Variants in RAD51B observed in about 807,000 individuals in gnomAD.
RAD51B encodes the protein RAD51 paralog B.
Under a neutral mutation model 42.2 loss-of-function variants are expected in RAD51B, and 38 were observed. The observed-to-expected ratio is 0.90, with a 90% CI of 0.70 to 1.18. The LOEUF (loss-of-function observed/expected upper bound fraction) is 1.18, where lower values mean the gene tolerates loss of function less well. Among genes scored for constraint, RAD51B ranks in the 50% most tolerant of loss-of-function variants. The pLI is 0.00. For missense variants in RAD51B, 373 were observed against 400.7 expected (o/e 0.93, Z 0.59); for synonymous variants, 154 against 145.2 (o/e 1.06, Z -0.43).
chr14:68,274,698 C>G (rs893050945), intron 7 of RAD51B, among the ~76,000 whole-genome samples: 1 of 152,104 alleles, frequency 6.6e-6, no homozygotes, highest in African/African-American at 2.4e-5. Context: ...GAAATAATTA[C>G]TTCCTTACTC....
chr14:68,499,830 G>A (rs984026084), intron 10 of RAD51B, among the ~76,000 whole-genome samples: 7 of 152,198 alleles, frequency 4.6e-5, no homozygotes, highest in Non-Finnish European at 8.8e-5. Context: ...GAGGGAGCCT[G>A]GCCCTGCAGA....
At chr14:68,175,722 C>T (rs1436021955) in intron 7 of RAD51B, among the ~76,000 whole-genome samples, 1 of 152,098 alleles carries the variant, frequency 6.6e-6, no homozygotes, top group Non-Finnish European at 1.5e-5. Flanking sequence ...TACATGAGAT[C>T]ACCATCTCCT....
intron 10 of RAD51B, among the ~76,000 whole-genome samples, chr14:68,556,658 C>T (rs1159181027): frequency 3.3e-5 from 5 of 152,224 alleles, no homozygotes; most frequent in Admixed American, 1.3e-4. Context: ...GAAACCCCTG[C>T]ATGGCCTCTC....
chr14:67,863,458 C>T (rs1330456989), intron 4 of RAD51B, among the ~76,000 whole-genome samples: 1 of 152,144 alleles, frequency 6.6e-6, no homozygotes, highest in Non-Finnish European at 1.5e-5. Flanking sequence ...CCAGGTGATT[C>T]TGATGCTCAC....
intron 7 of RAD51B, among the ~76,000 whole-genome samples, chr14:68,158,557 A>G (rs17105073): frequency 0.025 from 3,840 of 152,304 alleles, 129 homozygotes; most frequent in African/African-American, 0.074. Context: ...ATACTTTAAC[A>G]CCTAAATGTT....
chr14:68,611,289 A>G, exon 11 of RAD51B: 1 of 700,488 alleles, frequency 1.4e-6, no homozygotes, highest in East Asian at 2.7e-5. Context: ...TCTACATTTA[A>G]CATCCGACAG....
At chr14:68,401,836 T>TTA (rs2084112900) in intron 8 of RAD51B, among the ~76,000 whole-genome samples, 1 of 152,208 alleles carries the variant, frequency 6.6e-6, no homozygotes, top group African/African-American at 2.4e-5. Context: ...GCTCAGAAGA[T>TTA]TATAAATAAC....
chr14:67,948,932 A>C (rs1357884326), intron 7 of RAD51B, among the ~76,000 whole-genome samples: 2 of 84,656 alleles, frequency 2.4e-5, no homozygotes, highest in African/African-American at 1.3e-4. Flanking sequence ...ACTCTGTCTC[A>C]AAAAAAAAAA....
At position 68,210,352 on chromosome 14, in the gene RAD51B, C is replaced by A. The variant is rs568506713; in HGVS notation, c.757-81532C>A. Among the ~76,000 whole-genome samples, 6 of 152,284 alleles carry A rather than the reference C, an allele frequency of 3.9e-5. No individual in the cohort carries two copies. The South Asian group carries it at 1.2e-3, about 32-fold the overall frequency. ...GGATGACAATTTTTATACACCATGC[C>A]TGAAGCAAATAAAGGTGATCAGTAT... On this transcript the variant is annotated intron_variant, in intron 7 of 10. Coordinates refer to ENST00000471583, the MANE Select transcript of RAD51B (RefSeq NM_133510.4).
chr14:68,332,259 T>C (rs1411024532), intron 8 of RAD51B, among the ~76,000 whole-genome samples: 1 of 152,186 alleles, frequency 6.6e-6, no homozygotes, highest in Non-Finnish European at 1.5e-5. Context: ...CAGCTGGCTC[T>C]TTCAGTCTTG....
At chr14:68,349,307 C>G (rs542513081) in intron 8 of RAD51B, among the ~76,000 whole-genome samples, 2 of 152,024 alleles carry the variant, frequency 1.3e-5, no homozygotes, top group Non-Finnish European at 2.9e-5. Context: ...AAGGAACAAA[C>G]TAGAATGTTC....
chr14:68,550,107 C>T (rs1888456892), intron 10 of RAD51B, among the ~76,000 whole-genome samples: 1 of 152,234 alleles, frequency 6.6e-6, no homozygotes, highest in Admixed American at 6.5e-5. Context: ...CCCTTTCACT[C>T]ACTGGAGTGC....
chr14:68,669,765 C>T (rs1326349480), intron 11 of RAD51B, among the ~76,000 whole-genome samples: 1 of 152,130 alleles, frequency 6.6e-6, no homozygotes, highest in Non-Finnish European at 1.5e-5. Flanking sequence ...TTCACATGGC[C>T]CCTGGCCTTC....
At chr14:68,537,372 G>C (rs71423316) in intron 10 of RAD51B, among the ~76,000 whole-genome samples, 2 of 151,140 alleles carry the variant, frequency 1.3e-5, no homozygotes, top group East Asian at 3.9e-4. Flanking sequence ...GGTGGCGGGC[G>C]CCTGTAGTCC....
intron 7 of RAD51B, among the ~76,000 whole-genome samples, chr14:68,176,691 G>A (rs1377513928): frequency 1.3e-5 from 2 of 152,148 alleles, no homozygotes; most frequent in African/African-American, 4.8e-5. Flanking sequence ...AGACTTCTGA[G>A]CAGGTCATTT....
At chr14:67,842,493 T>C (rs1050354691) in intron 4 of RAD51B, among the ~76,000 whole-genome samples, 2 of 152,136 alleles carry the variant, frequency 1.3e-5, no homozygotes, top group African/African-American at 4.8e-5. Flanking sequence ...CCTCAGCCTT[T>C]CAAGTAGCTG....
At chr14:68,469,342 A>C (rs541381911) in intron 10 of RAD51B, among the ~76,000 whole-genome samples, 2 of 152,358 alleles carry the variant, frequency 1.3e-5, no homozygotes, top group African/African-American at 4.8e-5. Context: ...AACAGGCTGC[A>C]GCCTTCCCTT....
At chr14:68,156,567 A>C (rs1402834701) in intron 7 of RAD51B, among the ~76,000 whole-genome samples, 1 of 150,600 alleles carries the variant, frequency 6.6e-6, no homozygotes, top group Non-Finnish European at 1.5e-5. Context: ...CTGTGCATGC[A>C]GTATGCCCAG....
chr14:68,359,340 T>C lies in RAD51B; in HGVS notation c.854-52084T>C, dbSNP rs566031492. Among the ~76,000 whole-genome samples the C allele has an allele frequency of 1.8e-4, 27 of 152,000 alleles. No homozygotes were observed. The South Asian group carries it at 3.3e-3, about 19-fold the overall frequency. ...AGCTCATAAAGTCTCCCTTTCTGGG[T>C]GATTGGATTCCTTTAGCTCAGGGGC... On this transcript the variant is annotated intron_variant, in intron 8 of 10. Coordinates refer to ENST00000471583, the MANE Select transcript of RAD51B (RefSeq NM_133510.4).
Sources: allele counts gnomAD v4.1 joint callset (sites outside exome capture counted in the v4.1 genomes callset), GRCh38; gene constraint gnomAD v4.1.1; transcripts MANE v1.5; gene names NCBI Gene and HGNC (gene_info 2026-07-23, HGNC 2026-07-21).